Variants in ME2 observed in about 807,000 individuals in gnomAD.
The protein encoded by ME2 is malic enzyme 2, also known as NAD-dependent malic enzyme, mitochondrial.
In ME2, 60 loss-of-function variants were observed where a neutral mutation model predicts 73.7. The ratio of observed to expected loss-of-function variants is 0.81; its 90% CI spans 0.66 to 1.01. The LOEUF (loss-of-function observed/expected upper bound fraction) is 1.01. ME2 is among the 50% of genes least tolerant of loss of function. The pLI is 0.00. For missense variants in ME2, 594 were observed against 705.5 expected (o/e 0.84, Z 1.79); for synonymous variants, 199 against 236.9 (o/e 0.84, Z 1.47).
chr18:50,894,750 G>T (rs549552962), intron 1 of ME2, among the ~76,000 whole-genome samples: 57 of 150,728 alleles, frequency 3.8e-4, no homozygotes, highest in African/African-American at 1.3e-3. Context: ...GGTGGCGGGC[G>T]CCTGTAGTCC....
At chr18:50,885,588 T>A (rs982339822) in intron 1 of ME2, among the ~76,000 whole-genome samples, 1 of 152,090 alleles carries the variant, frequency 6.6e-6, no homozygotes, top group African/African-American at 2.4e-5. Flanking sequence ...TTTTCATCAC[T>A]TAGCAGAGTA....
At chr18:50,925,657 G>C in intron 11 of ME2, 99 bp from the exon 12 acceptor site, 1 of 940,874 alleles carries the variant, frequency 1.1e-6, no homozygotes, top group Non-Finnish European at 1.7e-6. Flanking sequence ...GATATTACCT[G>C]TGTTTTTATT....
chr18:50,913,489 A>G (rs1917208360), intron 4 of ME2, among the ~76,000 whole-genome samples: 1 of 152,014 alleles, frequency 6.6e-6, no homozygotes, highest in Non-Finnish European at 1.5e-5. Context: ...GCACGCCACC[A>G]TGCCTGCTAA....
chr18:50,910,003 A>G (rs141037008), intron 3 of ME2, among the ~76,000 whole-genome samples: 2 of 152,306 alleles, frequency 1.3e-5, no homozygotes, highest in East Asian at 1.9e-4. Context: ...TGAACTCTCA[A>G]TCTTAACTGA....
chr18:50,932,814 C>T (rs2144257555), intron 13 of ME2: 2 of 152,854 alleles, frequency 1.3e-5, no homozygotes, highest in South Asian at 4.1e-4. Flanking sequence ...CACCACCACA[C>T]TCAGCTAATT....
In ME2 at chr18:50,953,567, A is replaced by G. The variant is rs183452862; in HGVS notation, c.*6383A>G. 6.6e-6 allele frequency: 1 copy of G among 152,354 alleles called. No individual in the cohort carries two copies. The highest frequency in any genetic ancestry group is 6.5e-5 in the Admixed American group (1 of 15,302). The allele number at this position is 152,354 out of a possible 1,614,324, so 9.4% of individuals were successfully genotyped here. A position where few individuals can be genotyped will look rare whatever the true frequency, so the allele number is the denominator to read the frequency against. On this transcript the variant is annotated 3_prime_UTR_variant, in exon 16 of 16. Transcript: ENST00000321341. ...TTACACCAAAAAGTCTCAGTAGCCA[A>G]TTCACTAACATCTTTTGATTTGGTA...
At chr18:50,940,218 T>G in intron 14 of ME2, 70 bp from the exon 15 acceptor site, 1 of 1,018,838 alleles carries the variant, frequency 9.8e-7, no homozygotes, top group Non-Finnish European at 1.5e-6. Context: ...TCCCCAATGC[T>G]TTTTCCATTT....
At chr18:50,938,405 A>G (rs1029037207) in intron 13 of ME2, among the ~76,000 whole-genome samples, 8 of 152,178 alleles carry the variant, frequency 5.3e-5, no homozygotes, top group Admixed American at 3.3e-4. Flanking sequence ...CTCTGAACTC[A>G]GATTGATGCT....
chr18:50,903,842 G>A (rs1568163359), intron 2 of ME2, among the ~76,000 whole-genome samples: 1 of 152,190 alleles, frequency 6.6e-6, no homozygotes, highest in South Asian at 2.1e-4. Flanking sequence ...AAAGACGCAA[G>A]AGTGACAGTT....
Position 50,947,339 on chromosome 18 carries a change from GGGT to G in ME2, c.*156_*158del. On this transcript the variant is annotated 3_prime_UTR_variant, in exon 16 of 16. Coordinates refer to ENST00000321341, the MANE Select transcript of ME2 (RefSeq NM_002396.5). ...TTTCCATGCGTCTCCACATCTGTTG[GGGT>G]AGACGTGTTGATTGATTGCATTGCC... The G allele has an allele frequency of 3.0e-6, 2 of 667,618 alleles. No homozygotes were observed. The highest frequency in any genetic ancestry group is 5.0e-6 in the Non-Finnish European group (2 of 397,058). 41.4% of individuals were successfully genotyped at this position (667,618 alleles called of 1,614,324 possible).
At chr18:50,886,280 G>A (rs931687289) in intron 1 of ME2, among the ~76,000 whole-genome samples, 34 of 147,374 alleles carry the variant, frequency 2.3e-4, no homozygotes, top group Non-Finnish European at 1.5e-4. Context: ...GTCTCACTCC[G>A]TTGCCCAGGC....
At chr18:50,912,091 T>C (rs1376408367) in intron 3 of ME2, among the ~76,000 whole-genome samples, 2 of 152,110 alleles carry the variant, frequency 1.3e-5, no homozygotes, top group East Asian at 3.9e-4. Flanking sequence ...AAATCAAGAA[T>C]GGAATCTGGG....
chr18:50,913,886 C>CACACACACACACACACAT (rs1330262203), intron 4 of ME2, among the ~76,000 whole-genome samples: 3 of 152,060 alleles, frequency 2.0e-5, no homozygotes, highest in African/African-American at 7.2e-5. Flanking sequence ...CACACACACA[C>CACACACACACACACACAT]ACACATATGC....
intron 4 of ME2, among the ~76,000 whole-genome samples, chr18:50,913,972 A>G (rs1489954914): frequency 1.3e-5 from 2 of 151,858 alleles, no homozygotes; most frequent in Non-Finnish European, 2.9e-5. Context: ...TATTTTCCCC[A>G]TGCCCAATTA....
At position 50,952,238 on chromosome 18, in the gene ME2, C is replaced by A. The variant is rs1009398488; in HGVS notation, c.*5054C>A. 1.3e-5 allele frequency: 2 copies of A among 152,082 alleles called. No homozygotes were observed. Among genetic ancestry groups the A allele is most frequent in the African/African-American group, 4.8e-5 (2 of 41,400 alleles). 9.4% of individuals were successfully genotyped at this position (152,082 alleles called of 1,614,324 possible). ...CATAGAAAACTTTCTCATCTGAAATCAGGGTAAGTTTTTTTAATGTAAGCA... is the reference window on the plus strand; with the variant it reads ...CATAGAAAACTTTCTCATCTGAAATAAGGGTAAGTTTTTTTAATGTAAGCA... On this transcript the variant is annotated 3_prime_UTR_variant, in exon 16 of 16. Transcript: ENST00000321341.
chr18:50,891,433 C>G (rs925418315), intron 1 of ME2, among the ~76,000 whole-genome samples: 4 of 152,070 alleles, frequency 2.6e-5, no homozygotes, highest in African/African-American at 9.7e-5. Flanking sequence ...TTGCTCTGTT[C>G]CTTTTGTGTC....
Position 50,910,043 on chromosome 18 carries a change from A to T in ME2, c.242+1847A>T, listed in dbSNP as rs62095103. Reference sequence around the variant, plus strand: ...CTTGCTTTCTTTTATGACATAGAATATGAAAGTCATCGCTCAGATTTAGAA... The same window carrying T: ...CTTGCTTTCTTTTATGACATAGAATTTGAAAGTCATCGCTCAGATTTAGAA... On this transcript the variant is annotated intron_variant, in intron 3 of 15. Transcript: ENST00000321341. Among the ~76,000 whole-genome samples, 212 of 152,246 alleles carry T rather than the reference A, an allele frequency of 1.4e-3. 1 individual carries two copies. The highest frequency in any genetic ancestry group is 2.3e-3 in the Non-Finnish European group (158 of 68,012).
At chr18:50,888,344 CAA>C (rs33946334) in intron 1 of ME2, among the ~76,000 whole-genome samples, 113,390 of 129,024 alleles carry the variant, frequency 0.88, 49,826 homozygotes, top group Non-Finnish European at 0.94. Flanking sequence ...GACCCTGTCT[CAA>C]AAAAAAAAAA....
intron 4 of ME2, chr18:50,915,444 C>G (rs368924703): frequency 6.6e-6 from 1 of 151,882 alleles, no homozygotes; most frequent in Non-Finnish European, 1.5e-5. Context: ...GAGGTTGCAG[C>G]GAGCCGAGAT....
Sources: gnomAD v4.1 joint callset for allele counts (sites outside exome capture counted in the v4.1 genomes callset) on GRCh38, gnomAD v4.1.1 for gene constraint, MANE v1.5 for transcripts, NCBI Gene and HGNC (gene_info 2026-07-23, HGNC 2026-07-21) for gene names.